NR5A2: variants seen among roughly 807,000 people sequenced by gnomAD.
NR5A2 encodes nuclear receptor subfamily 5 group A member 2.
NR5A2 carries 26 observed loss-of-function variants against 62.7 expected under a neutral mutation model. The ratio of observed to expected loss-of-function variants is 0.41; its 90% CI spans 0.30 to 0.58. NR5A2 has a LOEUF of 0.58. Ranked by LOEUF, NR5A2 falls within the 20% of genes least tolerant of loss-of-function variation. The probability of loss-of-function intolerance (pLI) is 0.22; values close to 1 mark genes in which losing one functional copy is unlikely to be tolerated. For synonymous variants in NR5A2, 246 were observed against 241.7 expected, an observed-to-expected ratio of 1.02 and a Z score of -0.16; for missense variants, 541 against 669.1, an observed-to-expected ratio of 0.81 and a Z score of 2.11.
intron 7 of NR5A2, among the ~76,000 whole-genome samples, chr1:200,128,803 C>A (rs1020455734): frequency 2.0e-5 from 3 of 152,080 alleles, no homozygotes; most frequent in Non-Finnish European, 4.4e-5. Flanking sequence ...TAACTCGGCT[C>A]TTGCAATATG....
At chr1:200,074,655 G>A (rs1451577362) in intron 5 of NR5A2, among the ~76,000 whole-genome samples, 1 of 146,740 alleles carries the variant, frequency 6.8e-6, no homozygotes, top group Non-Finnish European at 1.5e-5. Flanking sequence ...GAGAATGGCG[G>A]GAACCCAGGA....
At chr1:200,129,577 A>G (rs955492713) in intron 7 of NR5A2, among the ~76,000 whole-genome samples, 1 of 152,212 alleles carries the variant, frequency 6.6e-6, no homozygotes, top group Non-Finnish European at 1.5e-5. Context: ...AAAAGACTTC[A>G]CCATGCATAG....
At chr1:200,156,861 G>T (rs1343178302) in intron 7 of NR5A2, among the ~76,000 whole-genome samples, 1 of 152,188 alleles carries the variant, frequency 6.6e-6, no homozygotes, top group African/African-American at 2.4e-5. Flanking sequence ...ATGTTCAGAA[G>T]GTTAGGTGTA....
At chr1:200,156,686 C>G (rs546101352) in intron 7 of NR5A2, among the ~76,000 whole-genome samples, 1 of 152,062 alleles carries the variant, frequency 6.6e-6, no homozygotes, top group South Asian at 2.1e-4. Context: ...TGTGAGCCAC[C>G]GCACCTGGCC....
chr1:200,057,458 C>T (rs75976490), intron 5 of NR5A2: 8 of 243,474 alleles, frequency 3.3e-5, no homozygotes, highest in Non-Finnish European at 2.5e-5. Flanking sequence ...TTAATTGATT[C>T]GTAAAAGTTT....
chr1:200,125,694 TTAAATTATAAAAGGTCA>T (rs1474696342), intron 7 of NR5A2, among the ~76,000 whole-genome samples: 1 of 152,188 alleles, frequency 6.6e-6, no homozygotes, highest in Non-Finnish European at 1.5e-5. Flanking sequence ...GAACATTATC[TTAAATTATAAAAGGTCA>T]TCTAAGCAAG....
chr1:200,039,616 C>A lies in NR5A2; in HGVS notation c.65-42C>A. The A allele has an allele frequency of 6.2e-7, 1 of 1,607,202 alleles. No homozygotes were observed. The highest frequency in any genetic ancestry group is 1.1e-5 in the South Asian group (1 of 90,850). On this transcript the variant is annotated intron_variant, in intron 1 of 7. Transcript: ENST00000367362. This position sits in a 1 kb window ranked among gnomAD's most constrained non-coding sequence, Gnocchi z 5.1. Reference sequence around the variant, plus strand: ...TTAGCAGGCATCCCGGTCGCCCCTTCCTTCTTTTCGCCGGAGTTGAATCTG... The same window carrying A: ...TTAGCAGGCATCCCGGTCGCCCCTTACTTCTTTTCGCCGGAGTTGAATCTG...
intron 7 of NR5A2, among the ~76,000 whole-genome samples, chr1:200,153,985 C>A (rs756907043): frequency 2.0e-5 from 3 of 152,114 alleles, no homozygotes; most frequent in Non-Finnish European, 2.9e-5. Flanking sequence ...TCTAAAATTG[C>A]ACTGACATAA....
chr1:200,108,891 T>G (rs1399987283), intron 5 of NR5A2, among the ~76,000 whole-genome samples: 1 of 152,196 alleles, frequency 6.6e-6, no homozygotes, highest in Non-Finnish European at 1.5e-5. Context: ...AGGCCACAGC[T>G]CCTTGGGTCA....
chr1:200,146,888 A>G (rs999847865), intron 7 of NR5A2, among the ~76,000 whole-genome samples: 4 of 152,154 alleles, frequency 2.6e-5, no homozygotes, highest in African/African-American at 9.7e-5. Context: ...TATGACTCAT[A>G]TTCCCTTGTA....
chr1:200,153,856 AAC>A lies in NR5A2; in HGVS notation c.1379-20103_1379-20102del, dbSNP rs550975297. On this transcript the variant is annotated intron_variant, in intron 7 of 7. Coordinates refer to ENST00000367362, the MANE Select transcript of NR5A2 (RefSeq NM_205860.3). ...GGAAAGAGAAGTAGATAGAAAATCAAACACAGATGAAAGCAAAGACAATTATG... is the reference window on the plus strand; with the variant it reads ...GGAAAGAGAAGTAGATAGAAAATCAAACAGATGAAAGCAAAGACAATTATG... 2.7e-3 allele frequency among the ~76,000 whole-genome samples: 405 copies of A among 152,290 alleles called. 1 individual carries two copies. Among genetic ancestry groups the A allele is most frequent in the Non-Finnish European group, 4.4e-3 (296 of 68,014 alleles).
At chr1:200,165,514 C>A (rs1489031606) in intron 7 of NR5A2, among the ~76,000 whole-genome samples, 1 of 152,228 alleles carries the variant, frequency 6.6e-6, no homozygotes, top group African/African-American at 2.4e-5. Context: ...GTCATCCCTC[C>A]TTCTACCAAC....
At chr1:200,028,962 G>A (rs1026041168) in intron 1 of NR5A2, 4 of 386,282 alleles carry the variant, frequency 1.0e-5, no homozygotes, top group South Asian at 1.8e-5. Context: ...TACCAAAAAT[G>A]TTCTATACTT....
intron 7 of NR5A2, among the ~76,000 whole-genome samples, chr1:200,141,563 G>A (rs936045886): frequency 1.3e-5 from 2 of 152,160 alleles, no homozygotes; most frequent in African/African-American, 4.8e-5. Flanking sequence ...CAAATAAGCT[G>A]CTATGAATAT....
At chr1:200,043,013 A>T (rs1025872530) in intron 2 of NR5A2, 1 of 985,238 alleles carries the variant, frequency 1.0e-6, no homozygotes, top group Non-Finnish European at 1.2e-6. Context: ...GGTTCATTAC[A>T]GGGCTTCAAT....
chr1:200,170,919 T>G (rs1304355134), intron 7 of NR5A2, among the ~76,000 whole-genome samples: 3 of 152,232 alleles, frequency 2.0e-5, no homozygotes, highest in African/African-American at 7.2e-5. Context: ...TGAAATAATT[T>G]AACAGGTCAA....
intron 7 of NR5A2, among the ~76,000 whole-genome samples, chr1:200,129,381 T>G (rs1363077587): frequency 1.4e-5 from 2 of 146,408 alleles, no homozygotes; most frequent in Non-Finnish European, 3.0e-5. Flanking sequence ...ATAGCAAACA[T>G]TCAGCCATTA....
intron 5 of NR5A2, among the ~76,000 whole-genome samples, chr1:200,068,480 G>A (rs1181113177): frequency 6.6e-6 from 1 of 152,062 alleles, no homozygotes; most frequent in Non-Finnish European, 1.5e-5. Flanking sequence ...TATTTTGTCT[G>A]ATATCTTTGA....
At chr1:200,116,827 CAT>C (rs1666242608) in intron 6 of NR5A2, among the ~76,000 whole-genome samples, 1 of 152,148 alleles carries the variant, frequency 6.6e-6, no homozygotes, top group Admixed American at 6.5e-5. Context: ...CATATGCACA[CAT>C]ATATCTATGT....
Sources: gnomAD v4.1 joint callset for allele counts (sites outside exome capture counted in the v4.1 genomes callset) on GRCh38, gnomAD v4.1.1 for gene constraint, Gnocchi (gnomAD v3.1) non-coding constraint, MANE v1.5 for transcripts, NCBI Gene and HGNC (gene_info 2026-07-23, HGNC 2026-07-21) for gene names.